The following LDLRAD3 variants were observed in gnomAD, a reference collection of about 807,000 sequenced individuals.
LDLRAD3 encodes low-density lipoprotein receptor class A domain-containing protein 3.
In LDLRAD3, 20 loss-of-function variants were observed where a neutral mutation model predicts 29.4. That is an observed-to-expected ratio of 0.68 (90% CI 0.48 to 0.99). The LOEUF (loss-of-function observed/expected upper bound fraction) is 0.99, where lower values mean the gene tolerates loss of function less well. LDLRAD3 is among the 50% of genes least tolerant of loss of function. The pLI is 0.00. For synonymous variants in LDLRAD3, 157 were observed against 192.7 expected (o/e 0.81, Z 1.53); for missense variants, 420 against 454.3 (o/e 0.92, Z 0.69).
In LDLRAD3 at chr11:36,222,759, C is replaced by T. The variant is rs116649658; in HGVS notation, c.455-4326C>T. Reference sequence around the variant, plus strand: ...TGGCTGCCATCTGCTAGAAGGCTGTCGTGATAACTAAACAAATATGTAATG... The same window carrying T: ...TGGCTGCCATCTGCTAGAAGGCTGTTGTGATAACTAAACAAATATGTAATG... On this transcript the variant is annotated intron_variant, in intron 4 of 5. Coordinates refer to ENST00000315571, the MANE Select transcript of LDLRAD3 (RefSeq NM_174902.4). Among the ~76,000 whole-genome samples, 940 of 152,148 alleles carry T rather than the reference C, an allele frequency of 6.2e-3. 11 individuals carry two copies. The highest frequency in any genetic ancestry group is 0.022 in the African/African-American group (894 of 41,514).
intron 1 of LDLRAD3, among the ~76,000 whole-genome samples, chr11:35,976,776 AT>A (rs1401552645): frequency 6.6e-6 from 1 of 152,138 alleles, no homozygotes; most frequent in Non-Finnish European, 1.5e-5. Context: ...TAAGTCTTCC[AT>A]TTTCAAAAGA....
intron 2 of LDLRAD3, among the ~76,000 whole-genome samples, chr11:36,074,530 T>G (rs1852962941): frequency 6.6e-6 from 1 of 152,128 alleles, no homozygotes; most frequent in Non-Finnish European, 1.5e-5. Context: ...GTAGTTAAGA[T>G]TTCCAAGATG....
intron 1 of LDLRAD3, among the ~76,000 whole-genome samples, chr11:36,034,590 C>T (rs1462149019): frequency 6.6e-6 from 1 of 152,196 alleles, no homozygotes; most frequent in Admixed American, 6.5e-5. Context: ...AGCAGATGGT[C>T]TACAAGGGAA....
intron 2 of LDLRAD3, among the ~76,000 whole-genome samples, chr11:36,045,112 CT>C (rs1488557144): frequency 6.6e-6 from 1 of 152,166 alleles, no homozygotes; most frequent in African/African-American, 2.4e-5. Context: ...GCCTTGTGGC[CT>C]ATCATGAGGA....
chr11:35,984,444 T>C (rs1851582713), intron 1 of LDLRAD3, among the ~76,000 whole-genome samples: 1 of 152,162 alleles, frequency 6.6e-6, no homozygotes, highest in Non-Finnish European at 1.5e-5. Flanking sequence ...CTAAGCCACT[T>C]TCAGCAGCAA....
At chr11:36,136,392 T>G (rs180972680) in intron 4 of LDLRAD3, among the ~76,000 whole-genome samples, 1 of 152,196 alleles carries the variant, frequency 6.6e-6, no homozygotes, top group Non-Finnish European at 1.5e-5. Flanking sequence ...AAATCTCACG[T>G]TGAATTGTAA....
At chr11:36,191,636 GCACA>G (rs1401597624) in intron 4 of LDLRAD3, among the ~76,000 whole-genome samples, 4 of 106,220 alleles carry the variant, frequency 3.8e-5, no homozygotes, top group African/African-American at 1.4e-4. Flanking sequence ...ACGCACGCAC[GCACA>G]AAGAAGAAAT....
At chr11:36,035,151 G>C (rs1336472647) in intron 1 of LDLRAD3, among the ~76,000 whole-genome samples, 1 of 150,208 alleles carries the variant, frequency 6.7e-6, no homozygotes, top group Admixed American at 6.7e-5. Context: ...GAGCTCTGGA[G>C]TTGTGGTGTG....
chr11:36,018,702 C>A (rs1029839529), intron 1 of LDLRAD3, among the ~76,000 whole-genome samples: 6 of 152,164 alleles, frequency 3.9e-5, no homozygotes, highest in African/African-American at 1.4e-4. Context: ...AATTTATACT[C>A]CCACCAGTAG....
chr11:36,107,918 A>G (rs35967184), intron 4 of LDLRAD3, among the ~76,000 whole-genome samples: 3,723 of 152,310 alleles, frequency 0.024, 74 homozygotes, highest in Middle Eastern at 0.034. Context: ...ATTTTGTTAA[A>G]TCTTAAAATG....
chr11:36,093,252 T>C (rs1853310661), intron 3 of LDLRAD3, among the ~76,000 whole-genome samples: 1 of 152,160 alleles, frequency 6.6e-6, no homozygotes, highest in South Asian at 2.1e-4. Flanking sequence ...ACACCTGCAT[T>C]CCCAACATCC....
intron 4 of LDLRAD3, among the ~76,000 whole-genome samples, chr11:36,220,776 C>T (rs1270613378): frequency 3.9e-5 from 6 of 152,088 alleles, no homozygotes; most frequent in South Asian, 2.1e-4. Flanking sequence ...AAATACCTTT[C>T]GTGGGGATGG....
chr11:36,184,842 A>T (rs1854822104), intron 4 of LDLRAD3, among the ~76,000 whole-genome samples: 1 of 152,184 alleles, frequency 6.6e-6, no homozygotes, highest in African/African-American at 2.4e-5. Flanking sequence ...CAAGCATAAC[A>T]GAGGGTCTCC....
chr11:36,012,144 A>G (rs1238656409), intron 1 of LDLRAD3, among the ~76,000 whole-genome samples: 13 of 151,914 alleles, frequency 8.6e-5, no homozygotes, highest in Admixed American at 8.5e-4. Context: ...ACATTTCAAG[A>G]CCCCCAGTGG....
At chr11:36,050,115 G>T (rs1354633740) in intron 2 of LDLRAD3, among the ~76,000 whole-genome samples, 1 of 152,192 alleles carries the variant, frequency 6.6e-6, no homozygotes, top group Non-Finnish European at 1.5e-5. Flanking sequence ...CACATAGAGA[G>T]CTAAGAGAGA....
intron 4 of LDLRAD3, among the ~76,000 whole-genome samples, chr11:36,187,571 T>C (rs1206711644): frequency 6.6e-6 from 1 of 152,172 alleles, no homozygotes; most frequent in Non-Finnish European, 1.5e-5. Flanking sequence ...TTAGTCAAGG[T>C]GGACATACAG....
At chr11:36,068,579 C>T (rs1440158598) in intron 2 of LDLRAD3, among the ~76,000 whole-genome samples, 1 of 152,150 alleles carries the variant, frequency 6.6e-6, no homozygotes, top group Non-Finnish European at 1.5e-5. Context: ...TGCAGTGGCG[C>T]AATCTCAGCT....
At chr11:36,141,647 T>C (rs1346075377) in intron 4 of LDLRAD3, among the ~76,000 whole-genome samples, 1 of 152,114 alleles carries the variant, frequency 6.6e-6, no homozygotes, top group African/African-American at 2.4e-5. Context: ...GAGACAGGGA[T>C]GGGTGAAGAA....
At chr11:35,961,387 C>T (rs941839015) in intron 1 of LDLRAD3, among the ~76,000 whole-genome samples, 13 of 152,288 alleles carry the variant, frequency 8.5e-5, no homozygotes, top group African/African-American at 1.2e-4. Flanking sequence ...ATCCTGGCTG[C>T]GTGACCTTAC....
Sources: allele counts gnomAD v4.1 joint callset (sites outside exome capture counted in the v4.1 genomes callset), GRCh38; gene constraint gnomAD v4.1.1; transcripts MANE v1.5; gene names NCBI Gene and HGNC (gene_info 2026-07-23, HGNC 2026-07-21).